The following GARRE1 variants were observed in gnomAD, a reference collection of about 807,000 sequenced individuals.
GARRE1 encodes granule associated Rac and RHOG effector 1.
A neutral mutation model predicts 103.2 loss-of-function variants in GARRE1; 49 were observed. The observed-to-expected ratio is 0.47, with a 90% CI of 0.38 to 0.60. GARRE1 has a LOEUF of 0.60. Among genes scored for constraint, GARRE1 ranks in the 20% least tolerant of loss-of-function variants. GARRE1 has a pLI of 0.00. For missense variants in GARRE1, 1,199 were observed against 1,370.5 expected (o/e 0.87, Z 1.98); for synonymous variants, 505 against 532.8 (o/e 0.95, Z 0.72).
At chr19:34,293,125 A>C (rs1345102927) in intron 1 of GARRE1, among the ~76,000 whole-genome samples, 1 of 152,208 alleles carries the variant, frequency 6.6e-6, no homozygotes, top group Non-Finnish European at 1.5e-5. Flanking sequence ...CCATATGGCA[A>C]ACTAAACAGT....
rs2145293384 is a variant in GARRE1 at position 34,354,568 on chromosome 19, A to T, written c.*1613A>T. ...GCGCCTGTAGTCCCAGCTACTCGGG[A>T]GGCTGAAGCAGAAGAATCGCTTGAA... On this transcript the variant is annotated 3_prime_UTR_variant, in exon 14 of 14. Coordinates refer to ENST00000299505, the MANE Select transcript of GARRE1 (RefSeq NM_014686.5). 6.6e-6 allele frequency: 1 copy of T among 152,266 alleles called. No homozygotes were observed. The highest frequency in any genetic ancestry group is 1.9e-4 in the East Asian group (1 of 5,188). 9.4% of individuals were successfully genotyped at this position (152,266 alleles called of 1,614,324 possible).
At chr19:34,256,271 G>A (rs1228501683) in intron 1 of GARRE1, among the ~76,000 whole-genome samples, 1 of 151,634 alleles carries the variant, frequency 6.6e-6, no homozygotes, top group Non-Finnish European at 1.5e-5. Context: ...CAGCACTTTG[G>A]GAGGCCGAGG....
rs186613070 is a variant in GARRE1 at position 34,269,131 on chromosome 19, A to G, written c.-796+14517A>G. Among the ~76,000 whole-genome samples the G allele has an allele frequency of 3.9e-5, 6 of 152,332 alleles. No individual in the cohort carries two copies. In the East Asian group the frequency reaches 1.2e-3, roughly 29 times the overall value. On this transcript the variant is annotated intron_variant, in intron 1 of 13. Transcript: ENST00000299505. ...CAGTTGTTTGTAGATTACCAAATAT[A>G]AAAGCTCTTCAGAACCGCTAATGAT...
chr19:34,348,175 T>A, intron 11 of GARRE1, 133 bp downstream of exon 11: 1 of 733,860 alleles, frequency 1.4e-6, no homozygotes, highest in Non-Finnish European at 1.9e-6. Context: ...TGTGAGAGAG[T>A]GACATGGGAT....
chr19:34,263,585 C>G (rs2073733317), intron 1 of GARRE1, among the ~76,000 whole-genome samples: 1 of 151,336 alleles, frequency 6.6e-6, no homozygotes, highest in Non-Finnish European at 1.5e-5. Flanking sequence ...TCAAGCGATT[C>G]TCCTGCCTCA....
chr19:34,302,771 GTCTC>G (rs2073987101), intron 2 of GARRE1, among the ~76,000 whole-genome samples: 1 of 139,068 alleles, frequency 7.2e-6, no homozygotes, highest in African/African-American at 2.7e-5. Context: ...AAAAGACAGA[GTCTC>G]TCTCTGTCGC....
At position 34,349,040 on chromosome 19, in the gene GARRE1, G is replaced by T; in HGVS notation, c.2712G>T (p.Ser904=). The change falls in exon 12 of 14, where the codon TCG becomes TCT. Residue 904 remains serine, a synonymous_variant. Coordinates refer to ENST00000299505, the MANE Select transcript of GARRE1 (RefSeq NM_014686.5). The part of the protein sequence containing the change: ...TEGDGLHGGW[S]GAQGDSASSS... ...GGGATGGCCTGCACGGTGGCTGGTC[G>T]GGTGCTCAGGGAGACTCTGCCAGCT... is the stretch of plus-strand genomic sequence containing the variant. The T allele has an allele frequency of 6.2e-7, 1 of 1,611,922 alleles. No homozygotes were observed.
intron 1 of GARRE1, among the ~76,000 whole-genome samples, chr19:34,264,412 A>AG (rs1273147354): frequency 6.7e-6 from 1 of 148,508 alleles, no homozygotes; most frequent in African/African-American, 2.5e-5. Context: ...TTTTTTTTGG[A>AG]GGGGGGGACG....
At chr19:34,321,390 A>G (rs1249581025) in intron 3 of GARRE1, among the ~76,000 whole-genome samples, 1 of 151,574 alleles carries the variant, frequency 6.6e-6, no homozygotes, top group Admixed American at 6.6e-5. Context: ...AACTCTGCCT[A>G]GATCCTCATT....
chr19:34,296,255 C>T (rs912634268), intron 1 of GARRE1: 114 of 647,914 alleles, frequency 1.8e-4, no homozygotes, highest in Non-Finnish European at 3.0e-4. Flanking sequence ...CTTCTGTTCT[C>T]ACATTTGTAG....
At chr19:34,271,312 G>C (rs773256384) in intron 1 of GARRE1, among the ~76,000 whole-genome samples, 17 of 144,468 alleles carry the variant, frequency 1.2e-4, no homozygotes, top group Non-Finnish European at 1.6e-4. Flanking sequence ...GCTGTGGCGT[G>C]ATCTTGGCTC....
In GARRE1 at chr19:34,275,504, G is replaced by A. The variant is rs61327740; in HGVS notation, c.-796+20890G>A. Among the ~76,000 whole-genome samples the A allele has an allele frequency of 2.6e-3, 388 of 151,942 alleles. 17 individuals carry two copies. The East Asian group carries it at 0.07, about 27-fold the overall frequency. On this transcript the variant is annotated intron_variant, in intron 1 of 13. Transcript: ENST00000299505. ...TTCATATTAAGGGAACTTTGGGTCTGGTTTCTTTCACTTAGCATAATGTTT... is the reference window on the plus strand; with the variant it reads ...TTCATATTAAGGGAACTTTGGGTCTAGTTTCTTTCACTTAGCATAATGTTT...
chr19:34,265,393 G>A (rs181890330), intron 1 of GARRE1, among the ~76,000 whole-genome samples: 5 of 152,156 alleles, frequency 3.3e-5, no homozygotes, highest in Admixed American at 6.6e-5. Flanking sequence ...GAGAGAATGC[G>A]CTACATCCTT....
At chr19:34,331,781 G>A (rs1191640492) in intron 7 of GARRE1, among the ~76,000 whole-genome samples, 1 of 152,068 alleles carries the variant, frequency 6.6e-6, no homozygotes, top group African/African-American at 2.4e-5. Context: ...ATCACCTGAG[G>A]TCAGGAGTTC....
At chr19:34,269,844 C>CA (rs2073775858) in intron 1 of GARRE1, among the ~76,000 whole-genome samples, 1 of 152,192 alleles carries the variant, frequency 6.6e-6, no homozygotes, top group South Asian at 2.1e-4. Context: ...TGCATGTCTT[C>CA]AAGTGAACAT....
At chr19:34,269,335 A>G (rs1226507976) in intron 1 of GARRE1, among the ~76,000 whole-genome samples, 1 of 152,106 alleles carries the variant, frequency 6.6e-6, no homozygotes, top group Non-Finnish European at 1.5e-5. Flanking sequence ...GGGTGCCTGG[A>G]GCCTCACAGG....
At chr19:34,267,141 C>T (rs1271987649) in intron 1 of GARRE1, among the ~76,000 whole-genome samples, 1 of 152,154 alleles carries the variant, frequency 6.6e-6, no homozygotes, top group Non-Finnish European at 1.5e-5. Context: ...TGGTGTGTGC[C>T]TGTAGTTCCA....
At chr19:34,280,862 A>G (rs376964732) in intron 1 of GARRE1, among the ~76,000 whole-genome samples, 16 of 151,506 alleles carry the variant, frequency 1.1e-4, no homozygotes, top group East Asian at 9.7e-4. Context: ...TTCTTTAACT[A>G]GTTCTGATTC....
intron 1 of GARRE1, among the ~76,000 whole-genome samples, chr19:34,294,267 A>G (rs1373450644): frequency 6.6e-6 from 1 of 151,776 alleles, no homozygotes; most frequent in Non-Finnish European, 1.5e-5. Context: ...AAAAAAAAAA[A>G]AAGAAAATTA....
Sources: allele counts gnomAD v4.1 joint callset (sites outside exome capture counted in the v4.1 genomes callset), GRCh38; gene constraint gnomAD v4.1.1; transcripts MANE v1.5; gene names NCBI Gene and HGNC (gene_info 2026-07-23, HGNC 2026-07-21).